The following PROM1 variants were observed in gnomAD, a reference collection of about 807,000 sequenced individuals.
PROM1 encodes prominin-1.
Under a neutral mutation model 116.9 loss-of-function variants are expected in PROM1, and 105 were observed. The observed-to-expected ratio is 0.90, with a 90% CI of 0.77 to 1.06. The LOEUF is 1.06. Among genes scored for constraint, PROM1 ranks in the 50% least tolerant of loss-of-function variants. The probability of loss-of-function intolerance (pLI) is 0.00; values close to 1 mark genes in which losing one functional copy is unlikely to be tolerated. For missense variants in PROM1, 1,122 were observed against 1,045.2 expected (o/e 1.07, Z -1.01); for synonymous variants, 393 against 387.0 (o/e 1.02, Z -0.18).
intron 10 of PROM1, 59 bp from the exon 11 acceptor site, chr4:16,013,397 G>A (rs905811395): frequency 1.7e-5 from 22 of 1,258,658 alleles, no homozygotes; most frequent in African/African-American, 3.0e-5. Context: ...TAGTTGACTA[G>A]TCACTCATTT....
At chr4:16,046,358 C>A (rs1307518238) in intron 2 of PROM1, among the ~76,000 whole-genome samples, 2 of 152,200 alleles carry the variant, frequency 1.3e-5, no homozygotes, top group Non-Finnish European at 2.9e-5. Flanking sequence ...TTGGGCTAGG[C>A]CCGCTGGGTT....
chr4:16,020,760 TG>T (rs1188426868), intron 8 of PROM1, among the ~76,000 whole-genome samples: 1 of 152,186 alleles, frequency 6.6e-6, no homozygotes, highest in African/African-American at 2.4e-5. Flanking sequence ...TTCTAGCCCA[TG>T]GATAATATTC....
intron 11 of PROM1, 87 bp from the exon 12 acceptor site, chr4:16,009,195 C>A: frequency 1.7e-6 from 2 of 1,178,330 alleles, no homozygotes; most frequent in Non-Finnish European, 2.4e-6. Context: ...AAGCCTGAAC[C>A]ACCTTTAGTT....
chr4:16,015,964 CTT>C (rs1728277503), intron 10 of PROM1, among the ~76,000 whole-genome samples, 200 bp downstream of exon 10: 1 of 152,098 alleles, frequency 6.6e-6, no homozygotes, highest in Admixed American at 6.5e-5. Context: ...TAGCATGCCA[CTT>C]CACACATCAT....
At chr4:16,062,577 C>A (rs895337324) in intron 2 of PROM1, among the ~76,000 whole-genome samples, 1 of 152,116 alleles carries the variant, frequency 6.6e-6, no homozygotes, top group Non-Finnish European at 1.5e-5. Context: ...GGGAGACAAA[C>A]AACAAACTAA....
chr4:16,036,490 T>C (rs1004322514), intron 3 of PROM1, among the ~76,000 whole-genome samples: 2 of 152,132 alleles, frequency 1.3e-5, no homozygotes, highest in Non-Finnish European at 2.9e-5. Flanking sequence ...ACAGGGCATT[T>C]TAAATGATCC....
rs1739167452 is a variant in PROM1 at position 16,056,894 on chromosome 4, G to A, written c.221-17893C>T. 2.6e-5 allele frequency among the ~76,000 whole-genome samples: 4 copies of A among 152,216 alleles called. No homozygotes were observed. In the South Asian group the frequency reaches 8.3e-4, roughly 32 times the overall value. The stretch of plus-strand genomic sequence containing the variant: ...GGGACTGGCAGCCTCAGCTGGGAGA[G>A]GGCAGTCCTGGTGGTCAGAAGGGGA... On this transcript the variant is annotated intron_variant, in intron 2 of 27. Transcript: ENST00000447510.
rs116288756 is a variant in PROM1, at chr4:16,071,002, C to A, written c.220+4685G>T. ...GAGAAAAAAGGGTCTGAAAGTTAGA[C>A]AACTTAGCCAAGATCATTCAGCAGT... On this transcript the variant is annotated intron_variant, in intron 2 of 27. Transcript: ENST00000447510. Among the ~76,000 whole-genome samples, 812 of 152,302 alleles carry A rather than the reference C, an allele frequency of 5.3e-3. 6 individuals are homozygous for A. The highest frequency in any genetic ancestry group is 0.019 in the African/African-American group (773 of 41,562).
chr4:16,031,347 C>T (rs185883020), intron 5 of PROM1, among the ~76,000 whole-genome samples: 150 of 152,018 alleles, frequency 9.9e-4, no homozygotes, highest in Admixed American at 2.0e-3. Flanking sequence ...TTCAGGCTTA[C>T]AGGAAACACA....
rs377209685 is a variant in PROM1, at chr4:16,033,357, G to C, written c.456C>G (p.Pro152=). The C allele has an allele frequency of 3.3e-5, 54 of 1,613,862 alleles. No homozygotes were observed. The African/African-American group carries it at 6.8e-4, about 20-fold the overall frequency. ...AGATTGCAAAGCATTTCCTCAGGAA[G>C]GGCCCATTTTCCTTCTGTCGCTGGT... ...EMHQRQKENG[P]FLRKCFAISL... Residue 152 remains proline, a synonymous_variant, in exon 5 of 28, where the codon CCC becomes CCG. Coordinates refer to ENST00000447510, the MANE Select transcript of PROM1 (RefSeq NM_006017.3).
At chr4:16,009,823 C>T (rs531129379) in intron 11 of PROM1, among the ~76,000 whole-genome samples, 17 of 150,670 alleles carry the variant, frequency 1.1e-4, no homozygotes, top group Admixed American at 2.7e-4. Flanking sequence ...GCCTGTAACT[C>T]GGGAGGCTGA....
rs1720875320 is a variant in PROM1 at position 15,991,123 on chromosome 4, T to C, written c.1983+99A>G. The C allele has an allele frequency of 6.5e-6, 6 of 920,516 alleles. No homozygotes were observed. The South Asian group carries it at 8.0e-5, about 12-fold the overall frequency. 57.0% of individuals were successfully genotyped at this position (920,516 alleles called of 1,614,324 possible). ...GAGGTGTTTATGAACAAGGGATTAC[T>C]CACAGTGTGAGGAACCTCTCCAGCA... On this transcript the variant is annotated intron_variant, in intron 18 of 27. Transcript: ENST00000447510.
At chr4:16,019,514 G>A (rs917467496) in intron 8 of PROM1, among the ~76,000 whole-genome samples, 6 of 152,178 alleles carry the variant, frequency 3.9e-5, no homozygotes, top group African/African-American at 7.2e-5. Flanking sequence ...AACCCCCATC[G>A]TGTATTTGGA....
At chr4:16,014,478 T>C (rs374713118) in intron 10 of PROM1, among the ~76,000 whole-genome samples, 2 of 152,230 alleles carry the variant, frequency 1.3e-5, no homozygotes, top group East Asian at 3.9e-4. Flanking sequence ...GACCAAGAAA[T>C]TTGGAATAAC....
chr4:16,062,414 T>C (rs956000361), intron 2 of PROM1, among the ~76,000 whole-genome samples: 2 of 152,156 alleles, frequency 1.3e-5, no homozygotes, highest in Admixed American at 6.5e-5. Context: ...TTAAGCACAA[T>C]TGTTAATGAA....
At chr4:16,049,531 C>T (rs981991817) in intron 2 of PROM1, among the ~76,000 whole-genome samples, 3 of 152,048 alleles carry the variant, frequency 2.0e-5, no homozygotes, top group Non-Finnish European at 2.9e-5. Flanking sequence ...ATAAGAAATA[C>T]GCACTTCTTG....
intron 17 of PROM1, 137 bp downstream of exon 17, chr4:15,992,111 G>T: frequency 1.8e-6 from 2 of 1,087,826 alleles, no homozygotes; most frequent in Non-Finnish European, 2.7e-6. Context: ...TGTACTCAAT[G>T]CCACCGAATT....
rs903955132 is a variant in PROM1 at position 16,018,339 on chromosome 4, TTG to T, written c.984_985del (p.Ser328ArgfsTer3). 1.9e-6 allele frequency: 3 copies of T among 1,613,120 alleles called. No individual in the cohort carries two copies. In the African/African-American group the frequency reaches 4.0e-5, roughly 22 times the overall value. ...CCTGCTCACCTGCCTCAGTTCAGGGTTGCTATTCAGCTGGCTTAGAGACAATC... is the reference window on the plus strand; with the variant it reads ...CCTGCTCACCTGCCTCAGTTCAGGGTCTATTCAGCTGGCTTAGAGACAATC... On this transcript the variant is annotated frameshift_variant, in exon 9 of 28. Transcript: ENST00000447510. LOFTEE classifies it high-confidence loss of function.
chr4:16,072,175 AGCT>A (rs1157872315), intron 2 of PROM1, among the ~76,000 whole-genome samples: 1 of 152,164 alleles, frequency 6.6e-6, no homozygotes, highest in Non-Finnish European at 1.5e-5. Context: ...CTCAAGTCCC[AGCT>A]GAATAAGACC....
Sources: gnomAD v4.1 joint callset for allele counts (sites outside exome capture counted in the v4.1 genomes callset) on GRCh38, gnomAD v4.1.1 for gene constraint, MANE v1.5 for transcripts, NCBI Gene and HGNC (gene_info 2026-07-23, HGNC 2026-07-21) for gene names.